KIF1A: variants seen among roughly 807,000 people sequenced by gnomAD.
The protein encoded by KIF1A is kinesin-like protein KIF1A.
KIF1A carries 46 observed loss-of-function variants against 227.3 expected under a neutral mutation model. The observed-to-expected ratio is 0.20, with a 90% CI of 0.16 to 0.26. The LOEUF is 0.26. KIF1A is among the 10% of genes least tolerant of loss of function. The pLI, the probability that KIF1A is intolerant of heterozygous loss-of-function variation, is 1.00. For synonymous variants in KIF1A, 1,022 were observed against 1,012.8 expected, an observed-to-expected ratio of 1.01 and a Z score of -0.17; for missense variants, 1,683 against 2,485.9, an observed-to-expected ratio of 0.68 and a Z score of 6.87.
rs557599461 is a variant in KIF1A, at chr2:240,721,571, C to T, written c.4743+236G>A. 2.6e-5 allele frequency among the ~76,000 whole-genome samples: 4 copies of T among 152,246 alleles called. No homozygotes were observed. In the East Asian group the frequency reaches 7.7e-4, roughly 29 times the overall value. ...GCAGAAGCCTGCAAGTGCATGGGTG[C>T]ATCCAAGGCCACAGGACCCACCCGG... On this transcript the variant is annotated intron_variant, in intron 44 of 48. Coordinates refer to ENST00000498729, the MANE Select transcript of KIF1A (RefSeq NM_001244008.2).
chr2:240,730,720 C>T (rs377393694), intron 38 of KIF1A, among the ~76,000 whole-genome samples: 21 of 152,220 alleles, frequency 1.4e-4, no homozygotes, highest in Admixed American at 3.3e-4. Flanking sequence ...CTCAGGGATA[C>T]GGTTCACAGG....
rs1273223870 is a variant in KIF1A at position 240,781,309 on chromosome 2, ACACACAGCTC to A, written c.882+1271_882+1280del. 1.4e-3 allele frequency among the ~76,000 whole-genome samples: 29 copies of A among 20,792 alleles called. 9 individuals carry two copies. The highest frequency in any genetic ancestry group is 0.014 in the African/African-American group (16 of 1,178). 13.6% of individuals were successfully genotyped at this position (20,792 alleles called of 152,430 possible). A position where few individuals can be genotyped will look rare whatever the true frequency, so the allele number is the denominator to read the frequency against. The stretch of plus-strand genomic sequence containing the variant: ...GCTACACACACACACAGCTCCACAC[ACACACAGCTC>A]CACACACACACACAGCTCCACACAC... On this transcript the variant is annotated intron_variant, in intron 10 of 48. Coordinates refer to ENST00000498729, the MANE Select transcript of KIF1A (RefSeq NM_001244008.2).
rs2049322632 is a variant in KIF1A at position 240,752,362 on chromosome 2, G to A, written c.2859-1815C>T. On this transcript the variant is annotated intron_variant, in intron 27 of 48. Transcript: ENST00000498729. The surrounding 1 kb of genome is among the most constrained non-coding windows in gnomAD (Gnocchi z 6.4). ...TCACGAGAGGACACTGAGGCCCACA[G>A]GGCGGGGCCCCTCCCCACAGTCCTG... Among the ~76,000 whole-genome samples the A allele has an allele frequency of 6.6e-6, 1 of 152,130 alleles. No homozygotes were observed. The highest frequency in any genetic ancestry group is 6.5e-5 in the Admixed American group (1 of 15,276).
intron 1 of KIF1A, among the ~76,000 whole-genome samples, chr2:240,807,580 A>G (rs2057540080): frequency 6.6e-6 from 1 of 152,248 alleles, no homozygotes; most frequent in Admixed American, 6.5e-5. Flanking sequence ...CATGTTCAGT[A>G]TAGACAAACC....
intron 38 of KIF1A, chr2:240,734,590 A>G: frequency 2.0e-6 from 1 of 501,868 alleles, no homozygotes; most frequent in Non-Finnish European, 3.8e-6. Context: ...ACAGGTGAGC[A>G]CGTGTGTGAG....
In KIF1A at chr2:240,741,259, C is replaced by T; in HGVS notation, c.3749+10G>A. ...ACTCACGCCCTGGGGGCCCCAGCAC[C>T]AGCACTCACTCGCCGTTGGCCTCCA... On this transcript the variant is annotated intron_variant, in intron 35 of 48. Transcript: ENST00000498729. 1 of 1,570,194 alleles carries T rather than the reference C, an allele frequency of 6.4e-7. No homozygotes were observed. Among genetic ancestry groups the T allele is most frequent in the Non-Finnish European group, 8.6e-7 (1 of 1,160,002 alleles).
At chr2:240,780,103 C>T (rs966953201) in intron 10 of KIF1A, among the ~76,000 whole-genome samples, 5 of 151,898 alleles carry the variant, frequency 3.3e-5, no homozygotes, top group African/African-American at 4.8e-5. Context: ...AGTTCCCGCA[C>T]GCTTCCCCAC....
At chr2:240,718,225 C>G in intron 47 of KIF1A, 57 bp from the exon 48 acceptor site, 2 of 1,206,988 alleles carry the variant, frequency 1.7e-6, no homozygotes, top group Non-Finnish European at 2.4e-6. Context: ...GCACACCACC[C>G]TCCTGCTCCC....
chr2:240,722,250 G>A (rs764011007), intron 43 of KIF1A, among the ~76,000 whole-genome samples: 1 of 152,222 alleles, frequency 6.6e-6, no homozygotes, highest in Non-Finnish European at 1.5e-5. Context: ...CTTGGGAAGG[G>A]AGGCTGCAAA....
At chr2:240,777,445 C>A (rs185877626) in intron 10 of KIF1A, among the ~76,000 whole-genome samples, 7 of 152,282 alleles carry the variant, frequency 4.6e-5, no homozygotes, top group Admixed American at 4.6e-4. Context: ...TCAGCCACTT[C>A]AGCAAGGAGC....
intron 10 of KIF1A, among the ~76,000 whole-genome samples, chr2:240,782,339 T>C (rs1244111347): frequency 6.6e-6 from 1 of 151,558 alleles, no homozygotes; most frequent in Non-Finnish European, 1.5e-5. Context: ...CTTTCCCACC[T>C]CGGTGTCTCC....
In KIF1A at chr2:240,719,195, C is replaced by T. The variant is rs148176695; in HGVS notation, c.5025G>A (p.Pro1675=). The T allele has an allele frequency of 2.9e-4, 471 of 1,603,490 alleles. 3 individuals carry two copies. In the African/African-American group the frequency reaches 3.8e-3, roughly 13 times the overall value. ...GCAGGTACCCCTTCTTGGAAACGATCGGGCTGAAGGCAGAGAGAGCTGCTC... is the reference window on the plus strand; with the variant it reads ...GCAGGTACCCCTTCTTGGAAACGATTGGGCTGAAGGCAGAGAGAGCTGCTC... ...VPDIQEIRVS[P]IVSKKGYLHF... Residue 1675 remains proline, a synonymous_variant, in exon 47 of 49, where the codon CCG becomes CCA. Transcript: ENST00000498729.
chr2:240,754,299 G>A (rs1281526841), intron 27 of KIF1A, among the ~76,000 whole-genome samples: 6 of 152,194 alleles, frequency 3.9e-5, no homozygotes, highest in Admixed American at 2.0e-4. Flanking sequence ...CACTGACCTC[G>A]GGCCCCAGGC....
At chr2:240,791,525 A>G (rs1425150127) in intron 2 of KIF1A, among the ~76,000 whole-genome samples, 1 of 58,582 alleles carries the variant, frequency 1.7e-5, no homozygotes, top group Admixed American at 1.9e-4. Context: ...TGCCCCATCC[A>G]CCCCCTCGCC....
intron 27 of KIF1A, among the ~76,000 whole-genome samples, chr2:240,751,685 C>G (rs1461513870): frequency 6.6e-6 from 1 of 152,150 alleles, no homozygotes; most frequent in Non-Finnish European, 1.5e-5. Context: ...CAGTCAGACA[C>G]ATCCCCCCAT....
Position 240,757,638 on chromosome 2 carries a change from C to T in KIF1A, c.2583-44G>A. 1 of 1,539,836 alleles carries T rather than the reference C, an allele frequency of 6.5e-7. No homozygotes were observed. The highest frequency in any genetic ancestry group is 8.8e-7 in the Non-Finnish European group (1 of 1,140,558). On this transcript the variant is annotated intron_variant, in intron 26 of 48. Transcript: ENST00000498729. The surrounding 1 kb of genome is among the most constrained non-coding windows in gnomAD (Gnocchi z 6.2). ...GACAGAGAGAAGTTAACACCAGCGA[C>T]TCGCAGGGACGAACAGGGGCCGGGG...
chr2:240,772,609 G>T lies in KIF1A; in HGVS notation c.1181-13C>A. The stretch of plus-strand genomic sequence containing the variant: ...GGCACAGTGTTGGCTATGGGGGAGG[G>T]AAGCGTGGGGGAGGGGGAGAGACAG... On this transcript the variant is annotated splice_polypyrimidine_tract_variant and intron_variant, in intron 13 of 48. Transcript: ENST00000498729. 6.5e-7 allele frequency: 1 copy of T among 1,536,220 alleles called. No homozygotes were observed. Among genetic ancestry groups the T allele is most frequent in the Non-Finnish European group, 8.8e-7 (1 of 1,134,278 alleles).
intron 38 of KIF1A, chr2:240,734,729 C>T: frequency 7.7e-7 from 1 of 1,304,636 alleles, no homozygotes; most frequent in South Asian, 1.2e-5. Flanking sequence ...CTAGGTATGT[C>T]CGAATCAAGA....
chr2:240,739,609 C>A lies in KIF1A; in HGVS notation c.3901+449G>T, dbSNP rs540947464. ...GAAGACACAGGACAGGAGAAGCCTG[C>A]GAAAATGCAGTGATGCGTCTGCAGG... On this transcript the variant is annotated intron_variant, in intron 37 of 48. Transcript: ENST00000498729. The surrounding 1 kb of genome is among the most constrained non-coding windows in gnomAD (Gnocchi z 5.6). Among the ~76,000 whole-genome samples, 2 of 152,078 alleles carry A rather than the reference C, an allele frequency of 1.3e-5. No individual in the cohort carries two copies. Among genetic ancestry groups the A allele is most frequent in the African/African-American group, 2.4e-5 (1 of 41,396 alleles).
Sources: allele counts gnomAD v4.1 joint callset (sites outside exome capture counted in the v4.1 genomes callset), GRCh38; gene constraint gnomAD v4.1.1; non-coding constraint Gnocchi (gnomAD v3.1); transcripts MANE v1.5; gene names NCBI Gene and HGNC (gene_info 2026-07-23, HGNC 2026-07-21).